ALDH1A1: variants seen among roughly 807,000 people sequenced by gnomAD.
The protein encoded by ALDH1A1 is aldehyde dehydrogenase 1A1.
In ALDH1A1, 19 loss-of-function variants were observed where a neutral mutation model predicts 62.1. That is an observed-to-expected ratio of 0.31 (90% CI 0.21 to 0.45). The LOEUF (loss-of-function observed/expected upper bound fraction) is 0.45. Ranked by LOEUF, ALDH1A1 falls within the 20% of genes least tolerant of loss-of-function variation. ALDH1A1 has a pLI of 1.00. For missense variants in ALDH1A1, 521 were observed against 607.1 expected (o/e 0.86, Z 1.49); for synonymous variants, 231 against 215.9 (o/e 1.07, Z -0.61).
chr9:72,902,698 C>T (rs767664637), intron 12 of ALDH1A1, among the ~76,000 whole-genome samples: 1 of 151,910 alleles, frequency 6.6e-6, no homozygotes, highest in Non-Finnish European at 1.5e-5. Context: ...TTGTCATATT[C>T]AGGCTGAAAT....
chr9:72,939,190 T>C lies in ALDH1A1; in HGVS notation c.171+958A>G, dbSNP rs540808800. 9.8e-5 allele frequency among the ~76,000 whole-genome samples: 15 copies of C among 152,300 alleles called. No individual in the cohort carries two copies. The South Asian group carries it at 2.3e-3, about 23-fold the overall frequency. On this transcript the variant is annotated intron_variant, in intron 2 of 12. Coordinates refer to ENST00000297785, the MANE Select transcript of ALDH1A1 (RefSeq NM_000689.5). ...AGTAAATTACTCAGCCTTTCTACTC[T>C]GCCATCTCATCATTATTTGTAAAAA...
At position 72,909,088 on chromosome 9, in the gene ALDH1A1, G is replaced by T. The variant is rs1829943850; in HGVS notation, c.1358+514C>A. Among the ~76,000 whole-genome samples the T allele has an allele frequency of 2.0e-5, 3 of 148,608 alleles. No homozygotes were observed. The South Asian group carries it at 6.5e-4, about 32-fold the overall frequency. ...AATCAAACATCAATACAATATTTTT[G>T]GTAAGCAATTTCAAGAAGCTAGATA... On this transcript the variant is annotated intron_variant, in intron 11 of 12. Coordinates refer to ENST00000297785, the MANE Select transcript of ALDH1A1 (RefSeq NM_000689.5).
At chr9:72,935,977 A>T (rs1298474814) in intron 2 of ALDH1A1, among the ~76,000 whole-genome samples, 6 of 152,332 alleles carry the variant, frequency 3.9e-5, no homozygotes, top group African/African-American at 1.4e-4. Context: ...AAATAATTCA[A>T]AAAAGAATGT....
chr9:72,940,139 G>C lies in ALDH1A1; in HGVS notation c.171+9C>G. On this transcript the variant is annotated intron_variant, in intron 2 of 12. Coordinates refer to ENST00000297785, the MANE Select transcript of ALDH1A1 (RefSeq NM_000689.5). ...TGGCATAAAATGAAACTAGTGTTCA[G>C]AAACTCACCTTATCTCCTTCTTCTA... is the stretch of plus-strand genomic sequence containing the variant. The C allele has an allele frequency of 3.7e-6, 6 of 1,602,364 alleles. No homozygotes were observed. Among genetic ancestry groups the C allele is most frequent in the Non-Finnish European group, 5.1e-6 (6 of 1,169,740 alleles).
At chr9:72,944,737 A>G (rs1462654652) in intron 1 of ALDH1A1, among the ~76,000 whole-genome samples, 1 of 152,122 alleles carries the variant, frequency 6.6e-6, no homozygotes, top group African/African-American at 2.4e-5. Context: ...ATACTATAAA[A>G]GTAAAATATT....
intron 2 of ALDH1A1, among the ~76,000 whole-genome samples, chr9:72,934,756 C>T (rs1368647258): frequency 1.3e-5 from 2 of 152,094 alleles, no homozygotes; most frequent in African/African-American, 4.8e-5. Context: ...TTCTTTAAAG[C>T]CCCATAGTTA....
chr9:72,924,257 A>AC, intron 6 of ALDH1A1, 125 bp from the exon 7 acceptor site: 1 of 607,134 alleles, frequency 1.6e-6, no homozygotes, highest in Non-Finnish European at 2.9e-6. Flanking sequence ...TAATTCACCC[A>AC]ACTGGCTCTA....
intron 2 of ALDH1A1, among the ~76,000 whole-genome samples, chr9:72,932,268 C>G (rs1443085343): frequency 1.3e-5 from 2 of 152,112 alleles, no homozygotes; most frequent in Non-Finnish European, 2.9e-5. Context: ...AGTAATGACC[C>G]TAGATTTTTT....
chr9:72,913,715 A>G (rs2118500434), intron 9 of ALDH1A1, among the ~76,000 whole-genome samples: 1 of 152,358 alleles, frequency 6.6e-6, no homozygotes, highest in East Asian at 1.9e-4. Context: ...GCTAACTTAT[A>G]AAACTACAGG....
At chr9:72,904,426 T>C (rs1829849114) in intron 12 of ALDH1A1, among the ~76,000 whole-genome samples, 1 of 152,104 alleles carries the variant, frequency 6.6e-6, no homozygotes, top group Admixed American at 6.6e-5. Context: ...CAAAATTCAC[T>C]AGCCCCTCAA....
At chr9:72,912,829 A>G (rs535017335) in intron 9 of ALDH1A1, among the ~76,000 whole-genome samples, 2 of 152,318 alleles carry the variant, frequency 1.3e-5, no homozygotes, top group Admixed American at 1.3e-4. Context: ...CTATTTTTAT[A>G]AGGAAAATAA....
chr9:72,917,378 G>C (rs1229133511), intron 8 of ALDH1A1, among the ~76,000 whole-genome samples: 2 of 151,960 alleles, frequency 1.3e-5, no homozygotes, highest in East Asian at 3.9e-4. Flanking sequence ...TTGATCATGA[G>C]ACCAAATCTC....
At position 72,927,176 on chromosome 9, in the gene ALDH1A1, A is replaced by G; in HGVS notation, c.444T>C (p.Asp148=). The change falls in exon 5 of 13, where the codon GAT becomes GAC. Residue 148 remains aspartate, a splice_region_variant and synonymous_variant. Coordinates refer to ENST00000297785, the MANE Select transcript of ALDH1A1 (RefSeq NM_000689.5). Reference sequence around the variant, plus strand: ...GTCTTGTATATGTAAAAAAATTTCCATCTGAAAAATAAAACACACACAATC... The same window carrying G: ...GTCTTGTATATGTAAAAAAATTTCCGTCTGAAAAATAAAACACACACAATC... ...DKIQGRTIPI[D]GNFFTYTRHE... The G allele has an allele frequency of 2.5e-6, 4 of 1,598,434 alleles. No individual in the cohort carries two copies. The South Asian group carries it at 4.5e-5, about 18-fold the overall frequency.
At chr9:72,952,864 A>C in intron 1 of ALDH1A1, 71 bp downstream of exon 1, 2 of 1,536,858 alleles carry the variant, frequency 1.3e-6, no homozygotes, top group Non-Finnish European at 1.8e-6. Flanking sequence ...ACTTAAATTG[A>C]CCTTTAATGC....
intron 1 of ALDH1A1, among the ~76,000 whole-genome samples, chr9:72,942,821 C>T (rs1450611930): frequency 6.6e-6 from 1 of 152,102 alleles, no homozygotes; most frequent in Admixed American, 6.6e-5. Context: ...TAGCTTACTG[C>T]GTCATCTCCT....
intron 2 of ALDH1A1, among the ~76,000 whole-genome samples, chr9:72,933,475 T>C (rs2118551721): frequency 6.6e-6 from 1 of 151,730 alleles, no homozygotes; most frequent in East Asian, 1.9e-4. Context: ...TAGTCCCAGC[T>C]ACCCAGGAGG....
intron 11 of ALDH1A1, among the ~76,000 whole-genome samples, chr9:72,908,559 GAAAGAAAGAAAGAAAGAAAGA>G (rs1829922415): frequency 1.0e-3 from 9 of 8,662 alleles, no homozygotes; most frequent in South Asian, 9.1e-3. Context: ...AAAGAAGAAA[GAAAGAAAGAAAGAAAGAAAGA>G]AAGAAAGAAA....
At chr9:72,916,183 G>A (rs933903397) in intron 9 of ALDH1A1, among the ~76,000 whole-genome samples, 3 of 152,088 alleles carry the variant, frequency 2.0e-5, no homozygotes, top group African/African-American at 7.2e-5. Flanking sequence ...ATGTCCCCGG[G>A]GTGAGGGGAG....
intron 1 of ALDH1A1, among the ~76,000 whole-genome samples, chr9:72,945,389 G>T (rs1444782037): frequency 2.0e-5 from 3 of 151,842 alleles, no homozygotes; most frequent in African/African-American, 4.8e-5. Context: ...ATACTTTCTT[G>T]GTGGGAGAGA....
Sources: gnomAD v4.1 joint callset for allele counts (sites outside exome capture counted in the v4.1 genomes callset) on GRCh38, gnomAD v4.1.1 for gene constraint, MANE v1.5 for transcripts, NCBI Gene and HGNC (gene_info 2026-07-23, HGNC 2026-07-21) for gene names.